SORCS2: variants seen among roughly 807,000 people sequenced by gnomAD.
SORCS2 encodes the protein VPS10 domain-containing receptor SorCS2.
Under a neutral mutation model 141.6 loss-of-function variants are expected in SORCS2, and 100 were observed. The ratio of observed to expected loss-of-function variants is 0.71; its 90% CI spans 0.60 to 0.83. The LOEUF is 0.83. SORCS2 is among the 40% of genes least tolerant of loss of function. The pLI is 0.00. For missense variants in SORCS2, 1,646 were observed against 1,560.2 expected (o/e 1.05, Z -0.93); for synonymous variants, 789 against 676.9 (o/e 1.17, Z -2.57).
In SORCS2 at chr4:7,193,145, C is replaced by A; in HGVS notation, c.480+19C>A. 1 of 1,502,776 alleles carries A rather than the reference C, an allele frequency of 6.7e-7. No homozygotes were observed. The highest frequency in any genetic ancestry group is 1.3e-5 in the South Asian group (1 of 78,722). 93.1% of individuals were successfully genotyped at this position (1,502,776 alleles called of 1,614,324 possible). Reference sequence around the variant, plus strand: ...CAGCAGCGTAAGTGACCTCCACGCGCTCGCCGCGGCCCCTACCCGGGACAC... The same window carrying A: ...CAGCAGCGTAAGTGACCTCCACGCGATCGCCGCGGCCCCTACCCGGGACAC... On this transcript the variant is annotated intron_variant, in intron 1 of 26. Coordinates refer to ENST00000507866, the MANE Select transcript of SORCS2 (RefSeq NM_020777.3). The surrounding 1 kb of genome is among the most constrained non-coding windows in gnomAD (Gnocchi z 4.8).
chr4:7,705,887 C>T (rs1033092186), intron 14 of SORCS2, among the ~76,000 whole-genome samples: 1 of 152,278 alleles, frequency 6.6e-6, no homozygotes, highest in African/African-American at 2.4e-5. Context: ...AGCAGGCGCA[C>T]AGCTCCCAGG....
chr4:7,575,810 A>T (rs1031548383), intron 3 of SORCS2, among the ~76,000 whole-genome samples: 2 of 152,142 alleles, frequency 1.3e-5, no homozygotes, highest in African/African-American at 4.8e-5. Flanking sequence ...TTCTTTTCCA[A>T]GTTGAACCCA....
intron 2 of SORCS2, among the ~76,000 whole-genome samples, chr4:7,451,676 T>C (rs1210006964): frequency 1.3e-5 from 2 of 152,246 alleles, no homozygotes; most frequent in Non-Finnish European, 2.9e-5. Flanking sequence ...ACTGCCACCA[T>C]AGGGATTCTG....
intron 1 of SORCS2, among the ~76,000 whole-genome samples, chr4:7,294,727 C>T (rs1266476324): frequency 3.4e-5 from 3 of 88,606 alleles, no homozygotes; most frequent in Non-Finnish European, 6.9e-5. Flanking sequence ...CCCTCCTCCT[C>T]CTCCTCCCCC....
chr4:7,304,194 T>TTA (rs1317829664), intron 1 of SORCS2, among the ~76,000 whole-genome samples: 3 of 152,256 alleles, frequency 2.0e-5, no homozygotes, highest in African/African-American at 4.8e-5. Context: ...CCTTCTGGCC[T>TTA]TATGTTCTTG....
intron 3 of SORCS2, among the ~76,000 whole-genome samples, chr4:7,613,622 G>A (rs1329552747): frequency 2.6e-5 from 4 of 152,104 alleles, no homozygotes; most frequent in African/African-American, 7.2e-5. Flanking sequence ...AATGACCCGT[G>A]GAGACACTGC....
At chr4:7,629,871 G>A (rs1407180223) in intron 3 of SORCS2, among the ~76,000 whole-genome samples, 3 of 151,964 alleles carry the variant, frequency 2.0e-5, no homozygotes, top group South Asian at 2.1e-4. Context: ...TCTGCAACGC[G>A]CTGTCGGCCA....
intron 1 of SORCS2, among the ~76,000 whole-genome samples, chr4:7,367,891 C>T (rs751709318): frequency 1.3e-5 from 2 of 152,230 alleles, no homozygotes; most frequent in Non-Finnish European, 2.9e-5. Flanking sequence ...CAGGCGGAGA[C>T]AGCCCCCAGC....
chr4:7,216,392 T>A (rs2108753396), intron 1 of SORCS2, among the ~76,000 whole-genome samples: 1 of 152,328 alleles, frequency 6.6e-6, no homozygotes, highest in South Asian at 2.1e-4. Context: ...CACATCTTCT[T>A]GTTTTAATCC....
chr4:7,676,302 C>T, intron 9 of SORCS2, 73 bp downstream of exon 9: 1 of 1,443,526 alleles, frequency 6.9e-7, no homozygotes, highest in Non-Finnish European at 9.4e-7. Flanking sequence ...CCACCTCTTC[C>T]TCCCCCCTCC....
intron 1 of SORCS2, among the ~76,000 whole-genome samples, chr4:7,328,789 G>T (rs1424395731): frequency 6.6e-6 from 1 of 152,202 alleles, no homozygotes; most frequent in Admixed American, 6.5e-5. Context: ...CCGACCAGGG[G>T]CTACCCTCAG....
At chr4:7,724,908 TATTGGTGGGAATG>T (rs1727074030) in intron 19 of SORCS2, among the ~76,000 whole-genome samples, 1 of 46,432 alleles carries the variant, frequency 2.2e-5, no homozygotes, top group Admixed American at 2.6e-4. Context: ...GTGGTGATAG[TATTGGTGGGAATG>T]GATGGTGGTA....
intron 2 of SORCS2, among the ~76,000 whole-genome samples, chr4:7,462,080 G>A (rs1241906669): frequency 1.3e-5 from 2 of 152,224 alleles, no homozygotes; most frequent in African/African-American, 2.4e-5. Context: ...GAGTGTAAGG[G>A]AGAGGATGCC....
rs114022344 is a variant in SORCS2, at chr4:7,206,975, G to A, written c.480+13849G>A. Among the ~76,000 whole-genome samples the A allele has an allele frequency of 7.0e-3, 1,063 of 152,220 alleles. 16 individuals are homozygous for A. Among genetic ancestry groups the A allele is most frequent in the African/African-American group, 0.024 (1,003 of 41,524 alleles). On this transcript the variant is annotated intron_variant, in intron 1 of 26. Coordinates refer to ENST00000507866, the MANE Select transcript of SORCS2 (RefSeq NM_020777.3). ...ATTCGAGAAACCTGGGCTTTCTGAC[G>A]GAAATGACTTTGCAGCATCACCCAC...
At chr4:7,631,866 T>C (rs1719920068) in intron 3 of SORCS2, among the ~76,000 whole-genome samples, 1 of 151,412 alleles carries the variant, frequency 6.6e-6, no homozygotes, top group South Asian at 2.1e-4. Flanking sequence ...AGCCATTTCC[T>C]GTCTTTGAGG....
intron 1 of SORCS2, among the ~76,000 whole-genome samples, chr4:7,276,571 C>T (rs12500160): frequency 0.021 from 3,230 of 152,248 alleles, 45 homozygotes; most frequent in Middle Eastern, 0.048. Flanking sequence ...CTGCCTCCCC[C>T]GCTCCAGGCC....
chr4:7,591,814 G>A (rs1372676183), intron 3 of SORCS2, among the ~76,000 whole-genome samples: 5 of 152,278 alleles, frequency 3.3e-5, no homozygotes, highest in South Asian at 2.1e-4. Flanking sequence ...GGTGCCCGCC[G>A]CACGGATGGA....
intron 1 of SORCS2, among the ~76,000 whole-genome samples, chr4:7,387,484 T>C (rs1202210189): frequency 3.6e-3 from 188 of 52,492 alleles, no homozygotes; most frequent in African/African-American, 0.019. Flanking sequence ...CACATGCACA[T>C]ACATACACAT....
Position 7,676,158 on chromosome 4 carries a change from T to C in SORCS2, c.1270T>C (p.Tyr424His), listed in dbSNP as rs1723092832. 6.4e-7 allele frequency: 1 copy of C among 1,560,734 alleles called. No homozygotes were observed. The highest frequency in any genetic ancestry group is 1.9e-5 in the Admixed American group (1 of 52,234). The change falls in exon 9 of 27, where the codon TAC becomes CAC. Residue 424 changes from tyrosine to histidine, a missense_variant. Tyr to His is a moderately conservative substitution (Grantham distance 83, BLOSUM62 2). Transcript: ENST00000507866. ...CCAGTCGGACCCACGGGGCGTGCGC[T>C]ACGCGCTGGTGCTGCAGGACGTGCG... is the stretch of plus-strand genomic sequence containing the variant. ...LYQSDPRGVR[Y>H]ALVLQDVRSS... is the part of the protein sequence containing the mutation.
Sources: gnomAD v4.1 joint callset for allele counts (sites outside exome capture counted in the v4.1 genomes callset) on GRCh38, gnomAD v4.1.1 for gene constraint, Gnocchi (gnomAD v3.1) non-coding constraint, MANE v1.5 for transcripts, NCBI Gene and HGNC (gene_info 2026-07-23, HGNC 2026-07-21) for gene names.